SLC37A3: variants seen among roughly 807,000 people sequenced by gnomAD.
The protein encoded by SLC37A3 is sugar phosphate exchanger 3.
A neutral mutation model predicts 67.1 loss-of-function variants in SLC37A3; 51 were observed. The observed-to-expected ratio is 0.76, with a 90% CI of 0.61 to 0.96. The LOEUF is 0.96. Among genes scored for constraint, SLC37A3 ranks in the 40% least tolerant of loss-of-function variants. The pLI is 0.00. For synonymous variants in SLC37A3, 214 were observed against 231.4 expected (o/e 0.92, Z 0.68); for missense variants, 508 against 603.0 (o/e 0.84, Z 1.65).
intron 4 of SLC37A3, among the ~76,000 whole-genome samples, chr7:140,365,416 C>T (rs971983079): frequency 1.2e-4 from 18 of 151,690 alleles, no homozygotes; most frequent in African/African-American, 4.4e-4. Flanking sequence ...TAGCAAGAAC[C>T]CATCTCTAAA....
At chr7:140,367,233 T>C (rs1797637989) in intron 4 of SLC37A3, among the ~76,000 whole-genome samples, 1 of 151,904 alleles carries the variant, frequency 6.6e-6, no homozygotes, top group Admixed American at 6.6e-5. Context: ...GGACAGGAGT[T>C]TGAGACCAGC....
intron 1 of SLC37A3, among the ~76,000 whole-genome samples, chr7:140,385,707 T>C (rs1323449358): frequency 1.3e-5 from 2 of 152,192 alleles, no homozygotes; most frequent in African/African-American, 4.8e-5. Context: ...ATAGACCATC[T>C]TTTCCTAAGC....
intron 3 of SLC37A3, chr7:140,379,553 G>A (rs1448960455): frequency 6.6e-6 from 1 of 151,838 alleles, no homozygotes; most frequent in Non-Finnish European, 1.5e-5. Context: ...GTGTACAAGA[G>A]TTTAGTGAAG....
At chr7:140,336,928 A>G (rs111864420) in intron 14 of SLC37A3, among the ~76,000 whole-genome samples, 7,909 of 150,090 alleles carry the variant, frequency 0.053, 222 homozygotes, top group Non-Finnish European at 0.074. Context: ...GTGAAACCCC[A>G]TCTCTACTAA....
chr7:140,387,942 C>T (rs760997959), intron 1 of SLC37A3, among the ~76,000 whole-genome samples: 11 of 136,000 alleles, frequency 8.1e-5, no homozygotes, highest in Non-Finnish European at 1.5e-4. Context: ...CTCAGTGAGC[C>T]GTGATTGTGC....
At chr7:140,377,574 T>C (rs1370466648) in intron 3 of SLC37A3, among the ~76,000 whole-genome samples, 2 of 152,204 alleles carry the variant, frequency 1.3e-5, no homozygotes, top group African/African-American at 2.4e-5. Context: ...AGTGAACCCA[T>C]TATAAATTCT....
At chr7:140,369,882 G>A (rs1440630625) in intron 3 of SLC37A3, among the ~76,000 whole-genome samples, 200 bp from the exon 4 acceptor site, 2 of 152,212 alleles carry the variant, frequency 1.3e-5, no homozygotes, top group South Asian at 2.1e-4. Flanking sequence ...AGGGCAAGGA[G>A]GGCAGATCAC....
At chr7:140,371,649 T>C (rs952827878) in intron 3 of SLC37A3, among the ~76,000 whole-genome samples, 1 of 152,196 alleles carries the variant, frequency 6.6e-6, no homozygotes, top group African/African-American at 2.4e-5. Flanking sequence ...TCAATATCTT[T>C]TGTAATGAAT....
intron 6 of SLC37A3, among the ~76,000 whole-genome samples, 199 bp downstream of exon 6, chr7:140,358,441 T>C (rs983951687): frequency 2.0e-5 from 3 of 152,140 alleles, no homozygotes; most frequent in Non-Finnish European, 4.4e-5. Context: ...GTGTGTCTCC[T>C]AGGCTGGATG....
chr7:140,355,285 C>T (rs1201838693), intron 7 of SLC37A3, among the ~76,000 whole-genome samples: 1 of 151,860 alleles, frequency 6.6e-6, no homozygotes, highest in East Asian at 1.9e-4. Context: ...GACCTTGGCT[C>T]ACTGCAACCT....
At chr7:140,345,047 A>T (rs1024960321) in intron 12 of SLC37A3, among the ~76,000 whole-genome samples, 169 bp downstream of exon 12, 39 of 152,340 alleles carry the variant, frequency 2.6e-4, no homozygotes, top group African/African-American at 9.4e-4. Context: ...GTCATGTAAG[A>T]AACAGCAGAG....
At chr7:140,341,931 T>A (rs1796376284) in intron 13 of SLC37A3, among the ~76,000 whole-genome samples, 1 of 152,196 alleles carries the variant, frequency 6.6e-6, no homozygotes, top group South Asian at 2.1e-4. Flanking sequence ...CAGGGCATGA[T>A]CAGGTAAGCG....
chr7:140,390,499 G>A (rs1469237058), intron 1 of SLC37A3, among the ~76,000 whole-genome samples: 1 of 151,996 alleles, frequency 6.6e-6, no homozygotes, highest in African/African-American at 2.4e-5. Flanking sequence ...GTTCCCCAAG[G>A]CCGTTTCTGG....
chr7:140,376,722 A>G (rs1798046266), intron 3 of SLC37A3, among the ~76,000 whole-genome samples: 1 of 152,172 alleles, frequency 6.6e-6, no homozygotes, highest in African/African-American at 2.4e-5. Flanking sequence ...GGCGAGCAGA[A>G]CACGTTTATG....
At chr7:140,342,624 C>T (rs187268360) in intron 13 of SLC37A3, among the ~76,000 whole-genome samples, 48 of 151,988 alleles carry the variant, frequency 3.2e-4, no homozygotes, top group African/African-American at 9.7e-4. Flanking sequence ...AGAGGCATGA[C>T]TCATGACTCT....
At chr7:140,395,881 C>G (rs1798906303) in intron 1 of SLC37A3, among the ~76,000 whole-genome samples, 1 of 152,058 alleles carries the variant, frequency 6.6e-6, no homozygotes, top group Admixed American at 6.6e-5. Context: ...TTTATGTCTG[C>G]ACAGTAAAAA....
At chr7:140,384,301 C>T (rs904784177) in intron 1 of SLC37A3, among the ~76,000 whole-genome samples, 8 of 152,026 alleles carry the variant, frequency 5.3e-5, no homozygotes, top group Non-Finnish European at 8.8e-5. Context: ...TAGTTCTCTC[C>T]GGGTAGTGAA....
intron 4 of SLC37A3, among the ~76,000 whole-genome samples, chr7:140,368,915 T>C (rs1056780251): frequency 1.3e-5 from 2 of 152,146 alleles, no homozygotes; most frequent in Middle Eastern, 3.2e-3. Flanking sequence ...TGGACCCAAG[T>C]CACCATCATC....
chr7:140,362,275 G>A (rs1406821928), intron 5 of SLC37A3, among the ~76,000 whole-genome samples: 4 of 138,956 alleles, frequency 2.9e-5, no homozygotes, highest in Non-Finnish European at 4.8e-5. Context: ...GTCTCTGCCC[G>A]GCCGCCCCGT....
Sources: allele counts gnomAD v4.1 joint callset (sites outside exome capture counted in the v4.1 genomes callset), GRCh38; gene constraint gnomAD v4.1.1; transcripts MANE v1.5; gene names NCBI Gene and HGNC (gene_info 2026-07-23, HGNC 2026-07-21).